Variants in KIAA0232 observed in about 807,000 individuals in gnomAD.
KIAA0232 encodes the protein uncharacterized protein KIAA0232.
Under a neutral mutation model 122.0 loss-of-function variants are expected in KIAA0232, and 27 were observed. The observed-to-expected ratio is 0.22, with a 90% CI of 0.16 to 0.31. The LOEUF (loss-of-function observed/expected upper bound fraction) is 0.31, where lower values mean the gene tolerates loss of function less well. Among genes scored for constraint, KIAA0232 ranks in the 10% least tolerant of loss-of-function variants. The pLI is 1.00. For synonymous variants in KIAA0232, 613 were observed against 587.6 expected, an observed-to-expected ratio of 1.04 and a Z score of -0.63; for missense variants, 1,551 against 1,634.2, an observed-to-expected ratio of 0.95 and a Z score of 0.88.
Position 6,862,400 on chromosome 4 carries a change from A to G in KIAA0232, c.2018A>G (p.Asn673Ser), listed in dbSNP as rs369301907. Residue 673 changes from asparagine to serine, a missense_variant, in exon 7 of 10, where the codon AAT becomes AGT. Asn to Ser is a conservative substitution (Grantham distance 46). This residue lies in a region of KIAA0232 where 1,108 missense variants were observed against 1,154.8 expected (regional missense o/e 0.96). Coordinates refer to ENST00000307659, the MANE Select transcript of KIAA0232 (RefSeq NM_014743.3). ...SFETLNLGNE[N>S]TDSSANMLGK... Reference sequence around the variant, plus strand: ...GAAACACTCAACTTGGGAAATGAAAATACAGATTCTAGTGCTAATATGCTT... The same window carrying G: ...GAAACACTCAACTTGGGAAATGAAAGTACAGATTCTAGTGCTAATATGCTT... 1 of 1,614,068 alleles carries G rather than the reference A, an allele frequency of 6.2e-7. No homozygotes were observed. The highest frequency in any genetic ancestry group is 8.5e-7 in the Non-Finnish European group (1 of 1,180,050).
chr4:6,812,948 T>TTATTACAAATTA (rs1276681213), intron 2 of KIAA0232, among the ~76,000 whole-genome samples: 2 of 152,158 alleles, frequency 1.3e-5, no homozygotes, highest in Admixed American at 1.3e-4. Flanking sequence ...TTATTTACAG[T>TTATTACAAATTA]GTATTACAAA....
At position 6,824,205 on chromosome 4, in the gene KIAA0232, T is replaced by C; in HGVS notation, c.-249T>C. On this transcript the variant is annotated 5_prime_UTR_variant, in exon 3 of 10. Transcript: ENST00000307659. ...TGTAGGTTCTGCCGGAGACTTCCATTTGGCCTCAATGTGAAATTAAAGTAG... is the reference window on the plus strand; with the variant it reads ...TGTAGGTTCTGCCGGAGACTTCCATCTGGCCTCAATGTGAAATTAAAGTAG... 3.7e-6 allele frequency: 2 copies of C among 541,084 alleles called. No homozygotes were observed. Among genetic ancestry groups the C allele is most frequent in the Non-Finnish European group, 6.6e-6 (2 of 304,308 alleles). 33.5% of individuals were successfully genotyped at this position (541,084 alleles called of 1,614,324 possible). A position where few individuals can be genotyped will look rare whatever the true frequency, so the allele number is the denominator to read the frequency against.
Position 6,792,975 on chromosome 4 carries a change from C to T in KIAA0232, c.-354+10134C>T, listed in dbSNP as rs540443889. The stretch of plus-strand genomic sequence containing the variant: ...TGCTGGGATTACAGGCATGAGCCAC[C>T]GTGCTCGGCCATTCTTAGTTATTTT... On this transcript the variant is annotated intron_variant, in intron 1 of 9. Coordinates refer to ENST00000307659, the MANE Select transcript of KIAA0232 (RefSeq NM_014743.3). Among the ~76,000 whole-genome samples, 248 of 152,216 alleles carry T rather than the reference C, an allele frequency of 1.6e-3. 1 individual carries two copies. Among genetic ancestry groups the T allele is most frequent in the Non-Finnish European group, 2.6e-4 (18 of 68,020 alleles).
intron 1 of KIAA0232, among the ~76,000 whole-genome samples, chr4:6,791,911 G>T (rs560164993): frequency 6.6e-6 from 1 of 152,128 alleles, no homozygotes; most frequent in Non-Finnish European, 1.5e-5. Context: ...GAATCATGGG[G>T]ACAGGTCTTT....
intron 2 of KIAA0232, among the ~76,000 whole-genome samples, chr4:6,806,925 T>C (rs1048268577): frequency 3.3e-5 from 5 of 152,112 alleles, no homozygotes; most frequent in South Asian, 4.1e-4. Context: ...TCATTTGTTT[T>C]GTTTTAATAG....
chr4:6,839,714 G>A (rs1441202475), intron 3 of KIAA0232, among the ~76,000 whole-genome samples: 2 of 152,292 alleles, frequency 1.3e-5, no homozygotes, highest in Non-Finnish European at 2.9e-5. Context: ...AGACCCTGAA[G>A]AGACTGATGT....
At chr4:6,797,895 TA>T (rs1337718818) in intron 1 of KIAA0232, among the ~76,000 whole-genome samples, 1 of 150,370 alleles carries the variant, frequency 6.7e-6, no homozygotes, top group African/African-American at 2.5e-5. Context: ...CCATCTCTAC[TA>T]AAAATACAAA....
At chr4:6,807,895 C>T (rs1717710549) in intron 2 of KIAA0232, among the ~76,000 whole-genome samples, 1 of 152,146 alleles carries the variant, frequency 6.6e-6, no homozygotes, top group Admixed American at 6.5e-5. Context: ...TGGTGAAACC[C>T]CATCTCTACT....
At chr4:6,841,497 C>G (rs1719660275) in intron 3 of KIAA0232, among the ~76,000 whole-genome samples, 1 of 152,098 alleles carries the variant, frequency 6.6e-6, no homozygotes, top group Non-Finnish European at 1.5e-5. Context: ...GGATTAATAC[C>G]AGCATTTGGC....
intron 2 of KIAA0232, among the ~76,000 whole-genome samples, chr4:6,820,792 C>A (rs1241280775): frequency 6.6e-6 from 1 of 152,150 alleles, no homozygotes; most frequent in African/African-American, 2.4e-5. Context: ...AGTCTGTTTT[C>A]TGTTGCTATA....
chr4:6,789,616 T>C (rs1716797883), intron 1 of KIAA0232, among the ~76,000 whole-genome samples: 1 of 152,184 alleles, frequency 6.6e-6, no homozygotes, highest in Admixed American at 6.5e-5. Flanking sequence ...TCATTAATTT[T>C]GTGACTGAGT....
intron 3 of KIAA0232, among the ~76,000 whole-genome samples, chr4:6,838,488 A>C (rs1400133642): frequency 3.3e-5 from 5 of 152,140 alleles, no homozygotes; most frequent in Non-Finnish European, 7.4e-5. Flanking sequence ...CATATGCCCC[A>C]CCTAAAGATA....
chr4:6,851,294 G>C (rs2108767483), intron 4 of KIAA0232, among the ~76,000 whole-genome samples: 1 of 152,298 alleles, frequency 6.6e-6, no homozygotes. Flanking sequence ...TCAGCTCATA[G>C]CTTTCTGAGC....
At chr4:6,820,027 T>G (rs1170773548) in intron 2 of KIAA0232, among the ~76,000 whole-genome samples, 4 of 152,096 alleles carry the variant, frequency 2.6e-5, no homozygotes, top group African/African-American at 9.7e-5. Context: ...GTGTTCTCAC[T>G]TAGAAGTGGG....
intron 1 of KIAA0232, among the ~76,000 whole-genome samples, chr4:6,788,119 A>G (rs188643405): frequency 2.2e-4 from 33 of 152,166 alleles, no homozygotes; most frequent in East Asian, 1.9e-3. Context: ...GCTCACTGCA[A>G]CTTCCACCTC....
intron 1 of KIAA0232, among the ~76,000 whole-genome samples, chr4:6,797,956 G>A (rs1195240201): frequency 2.0e-5 from 3 of 151,674 alleles, no homozygotes. Flanking sequence ...TACTTGGGAG[G>A]CTGAGGCAGG....
At chr4:6,838,428 A>T (rs1187045826) in intron 3 of KIAA0232, among the ~76,000 whole-genome samples, 1 of 152,110 alleles carries the variant, frequency 6.6e-6, no homozygotes, top group Non-Finnish European at 1.5e-5. Context: ...GGCTCAAGTG[A>T]TCTGCCCACC....
intron 2 of KIAA0232, among the ~76,000 whole-genome samples, chr4:6,811,641 C>A (rs1217207933): frequency 6.6e-6 from 1 of 151,760 alleles, no homozygotes. Flanking sequence ...GATGGGGTCT[C>A]ACCATGTTGC....
At chr4:6,801,683 A>G (rs1310523875) in intron 1 of KIAA0232, among the ~76,000 whole-genome samples, 1 of 152,276 alleles carries the variant, frequency 6.6e-6, no homozygotes, top group Admixed American at 6.5e-5. Flanking sequence ...AAAGGAAAAA[A>G]AAAAAAGAGA....
Sources: gnomAD v4.1 joint callset for allele counts (sites outside exome capture counted in the v4.1 genomes callset) on GRCh38, gnomAD v4.1.1 for gene constraint, gnomAD v4.1.1 regional missense constraint, MANE v1.5 for transcripts, NCBI Gene and HGNC (gene_info 2026-07-23, HGNC 2026-07-21) for gene names.